The following APLF variants were observed in gnomAD, a reference collection of about 807,000 sequenced individuals.
The protein encoded by APLF is aprataxin and PNKP like factor, also known as aprataxin and PNK-like factor.
Under a neutral mutation model 55.6 loss-of-function variants are expected in APLF, and 61 were observed. That is an observed-to-expected ratio of 1.10 (90% confidence interval 0.89 to 1.36). APLF has a LOEUF of 1.36. APLF is among the 40% of genes most tolerant of loss of function. The pLI is 0.00. For synonymous variants in APLF, 207 were observed against 214.8 expected (o/e 0.96, Z 0.32); for missense variants, 611 against 602.5 (o/e 1.01, Z -0.15).
intron 9 of APLF, 124 bp downstream of exon 9, chr2:68,567,511 G>A (rs1671340249): frequency 1.4e-6 from 1 of 719,132 alleles, no homozygotes. Flanking sequence ...TTGAATTGCT[G>A]ATTTTAATGA....
chr2:68,578,371 T>G lies in APLF; in HGVS notation c.*349T>G. 1 of 1,027,208 alleles carries G rather than the reference T, an allele frequency of 9.7e-7. No homozygotes were observed. Among genetic ancestry groups the G allele is most frequent in the Non-Finnish European group, 1.2e-6 (1 of 855,466 alleles). The allele number at this position is 1,027,208 out of a possible 1,614,324, so 63.6% of individuals were successfully genotyped here. ...TCTTTTTAAATTTTTTTCCAAAGATTATGGAGTACTCTGCAAGTATAACCA... is the reference window on the plus strand; with the variant it reads ...TCTTTTTAAATTTTTTTCCAAAGATGATGGAGTACTCTGCAAGTATAACCA... On this transcript the variant is annotated 3_prime_UTR_variant, in exon 10 of 10. Transcript: ENST00000303795.
intron 8 of APLF, among the ~76,000 whole-genome samples, chr2:68,558,992 T>C (rs1021829633): frequency 1.3e-5 from 2 of 152,224 alleles, no homozygotes; most frequent in Admixed American, 6.5e-5. Flanking sequence ...AAACTATTAT[T>C]CTGTTGTTGC....
chr2:68,513,599 G>A lies in APLF; in HGVS notation c.541G>A (p.Glu181Lys), dbSNP rs746221675. Residue 181 changes from glutamate to lysine, a missense_variant, in exon 5 of 10, where the codon GAG becomes AAG. Physicochemically the swap from Glu to Lys is moderately conservative, Grantham distance 56. Transcript: ENST00000303795. The part of the protein sequence containing the change: ...DCNKQQPILA[E>K]RKRILPTWML... ...CAATAAGCAGCAGCCAATCCTTGCC[G>A]AGAGGAAAAGAATCCTTCCAACTTG... 2.9e-5 allele frequency: 46 copies of A among 1,611,358 alleles called. 1 individual carries two copies. In the Middle Eastern group the frequency reaches 1.6e-3, roughly 58 times the overall value.
chr2:68,513,429 A>C (rs1669467364), intron 4 of APLF, 119 bp from the exon 5 acceptor site: 1 of 1,296,794 alleles, frequency 7.7e-7, no homozygotes. Context: ...AAGAAATTTT[A>C]TGAACTCAGT....
chr2:68,476,818 A>G (rs1292716527), intron 1 of APLF, among the ~76,000 whole-genome samples: 2 of 152,162 alleles, frequency 1.3e-5, no homozygotes, highest in East Asian at 1.9e-4. Context: ...CATCCTGGAA[A>G]TAGAAGTGAT....
At chr2:68,577,722 TAATC>T (rs1349144503) in intron 9 of APLF, 94 bp from the exon 10 acceptor site, 4 of 1,423,440 alleles carry the variant, frequency 2.8e-6, no homozygotes, top group South Asian at 2.8e-5. Flanking sequence ...TTAATAAAAT[TAATC>T]CTCTGGATGC....
chr2:68,484,979 T>C (rs1407980111), intron 1 of APLF, among the ~76,000 whole-genome samples: 3 of 152,070 alleles, frequency 2.0e-5, no homozygotes, highest in Non-Finnish European at 4.4e-5. Context: ...TGTGTGTGTG[T>C]GTGCGCACAT....
chr2:68,480,845 A>G (rs2103888048), intron 1 of APLF, among the ~76,000 whole-genome samples: 1 of 151,958 alleles, frequency 6.6e-6, no homozygotes, highest in South Asian at 2.1e-4. Flanking sequence ...TATATCAAAT[A>G]TTTTTTCTGA....
intron 6 of APLF, among the ~76,000 whole-genome samples, chr2:68,530,400 A>C (rs540676963): frequency 1.3e-5 from 2 of 152,274 alleles, no homozygotes; most frequent in East Asian, 3.9e-4. Flanking sequence ...ACCAGTTGTC[A>C]GCACAGCACC....
At chr2:68,544,866 TATG>T (rs1352528461) in intron 7 of APLF, among the ~76,000 whole-genome samples, 1 of 152,168 alleles carries the variant, frequency 6.6e-6, no homozygotes, top group Non-Finnish European at 1.5e-5. Flanking sequence ...TATATATATT[TATG>T]ATATTTATGT....
At chr2:68,512,166 A>G (rs1558536747) in intron 3 of APLF, among the ~76,000 whole-genome samples, 1 of 151,424 alleles carries the variant, frequency 6.6e-6, no homozygotes, top group East Asian at 1.9e-4. Flanking sequence ...GAACATTTCC[A>G]TTTCCCCAAA....
chr2:68,480,404 A>G (rs1250467813), intron 1 of APLF, among the ~76,000 whole-genome samples: 3 of 151,006 alleles, frequency 2.0e-5, no homozygotes, highest in Admixed American at 6.6e-5. Flanking sequence ...TCCCAGATTC[A>G]AGCAATTCTC....
At chr2:68,512,969 T>G in intron 3 of APLF, 111 bp from the exon 4 acceptor site, 1 of 915,592 alleles carries the variant, frequency 1.1e-6, no homozygotes, top group Admixed American at 2.7e-5. Context: ...ATAATCTGCT[T>G]TTTTTGGTTT....
At position 68,529,259 on chromosome 2, in the gene APLF, C is replaced by T; in HGVS notation, c.804+3017C>T. 7.7e-7 allele frequency: 1 copy of T among 1,304,414 alleles called. No homozygotes were observed. Among genetic ancestry groups the T allele is most frequent in the Non-Finnish European group, 1.0e-6 (1 of 987,620 alleles). 80.8% of individuals were successfully genotyped at this position (1,304,414 alleles called of 1,614,324 possible). On this transcript the variant is annotated intron_variant, in intron 6 of 9. Coordinates refer to ENST00000303795, the MANE Select transcript of APLF (RefSeq NM_173545.3). The surrounding 1 kb of genome is among the most constrained non-coding windows in gnomAD (Gnocchi z 4.4). ...CCTCATAAGGGTGCCGTCCCACCTGCCTGGAAAAGAAGGCCCAAGATGTCG... is the reference window on the plus strand; with the variant it reads ...CCTCATAAGGGTGCCGTCCCACCTGTCTGGAAAAGAAGGCCCAAGATGTCG...
chr2:68,556,203 G>A (rs1055209784), intron 8 of APLF, among the ~76,000 whole-genome samples: 1 of 152,182 alleles, frequency 6.6e-6, no homozygotes. Context: ...AACTTGGGGA[G>A]AAAGTGGGAA....
At chr2:68,482,694 T>A (rs1417688016) in intron 1 of APLF, among the ~76,000 whole-genome samples, 1 of 151,970 alleles carries the variant, frequency 6.6e-6, no homozygotes, top group African/African-American at 2.4e-5. Context: ...CAGCTAGGAG[T>A]GCAGGTGTGG....
At chr2:68,566,347 A>C (rs1010222859) in intron 8 of APLF, among the ~76,000 whole-genome samples, 1 of 152,076 alleles carries the variant, frequency 6.6e-6, no homozygotes. Context: ...CTTATTTTTC[A>C]GTGAAGAAAG....
At chr2:68,502,593 C>G (rs1331446726) in intron 2 of APLF, 138 bp from the exon 3 acceptor site, 3 of 465,996 alleles carry the variant, frequency 6.4e-6, no homozygotes, top group South Asian at 1.7e-4. Flanking sequence ...ACTTTTAAGT[C>G]TAAGTTTATG....
At position 68,519,119 on chromosome 2, in the gene APLF, A is replaced by G. The variant is rs1354472820; in HGVS notation, c.622+5439A>G. On this transcript the variant is annotated intron_variant, in intron 5 of 9. Transcript: ENST00000303795. The stretch of plus-strand genomic sequence containing the variant: ...TATAATAATATAATATATAATATAT[A>G]AAACATATAATTTGACATTTTATAT... Among the ~76,000 whole-genome samples the G allele has an allele frequency of 7.4e-5, 10 of 134,902 alleles. No individual in the cohort carries two copies. The East Asian group carries it at 1.0e-3, about 14-fold the overall frequency. 88.5% of individuals were successfully genotyped at this position (134,902 alleles called of 152,430 possible).
Sources: gnomAD v4.1 joint callset for allele counts (sites outside exome capture counted in the v4.1 genomes callset) on GRCh38, gnomAD v4.1.1 for gene constraint, Gnocchi (gnomAD v3.1) non-coding constraint, MANE v1.5 for transcripts, NCBI Gene and HGNC (gene_info 2026-07-23, HGNC 2026-07-21) for gene names.